The following SLC24A3 variants were observed in gnomAD, a reference collection of about 807,000 sequenced individuals.
SLC24A3 encodes the protein solute carrier family 24 member 3.
In SLC24A3, 28 loss-of-function variants were observed where a neutral mutation model predicts 75.8. That is an observed-to-expected ratio of 0.37 (90% CI 0.27 to 0.51). SLC24A3 has a LOEUF of 0.51. SLC24A3 is among the 20% of genes least tolerant of loss of function. The pLI is 0.94. For synonymous variants in SLC24A3, 372 were observed against 334.1 expected (o/e 1.11, Z -1.24); for missense variants, 663 against 847.8 (o/e 0.78, Z 2.71).
At chr20:19,364,045 G>A (rs1017074665) in intron 2 of SLC24A3, among the ~76,000 whole-genome samples, 6 of 152,178 alleles carry the variant, frequency 3.9e-5, no homozygotes, top group Non-Finnish European at 7.4e-5. Flanking sequence ...CCCCTGGCCA[G>A]CAGGAACATG....
At chr20:19,505,607 G>A (rs566434519) in intron 2 of SLC24A3, among the ~76,000 whole-genome samples, 4 of 152,276 alleles carry the variant, frequency 2.6e-5, no homozygotes, top group Admixed American at 6.5e-5. Flanking sequence ...TGTTACCACC[G>A]TGAGCAACCA....
intron 6 of SLC24A3, among the ~76,000 whole-genome samples, chr20:19,613,431 A>T (rs1160045449): frequency 6.6e-6 from 1 of 152,142 alleles, no homozygotes; most frequent in Non-Finnish European, 1.5e-5. Flanking sequence ...AGGCACTTCT[A>T]TTATTTTTTT....
intron 15 of SLC24A3, among the ~76,000 whole-genome samples, chr20:19,703,167 G>A (rs567275591): frequency 1.3e-5 from 2 of 152,170 alleles, no homozygotes; most frequent in Non-Finnish European, 2.9e-5. Flanking sequence ...TCCTTGAGAG[G>A]GCATTTAATA....
intron 2 of SLC24A3, among the ~76,000 whole-genome samples, chr20:19,399,704 AAG>A (rs761369694): frequency 6.6e-6 from 1 of 152,142 alleles, no homozygotes; most frequent in Non-Finnish European, 1.5e-5. Context: ...TGTGCACCTG[AAG>A]AGAACATGCT....
intron 3 of SLC24A3, among the ~76,000 whole-genome samples, chr20:19,535,222 G>A (rs1341880304): frequency 6.6e-6 from 1 of 152,178 alleles, no homozygotes; most frequent in African/African-American, 2.4e-5. Flanking sequence ...CATTTTGGTA[G>A]CTTAAACCAA....
chr20:19,654,209 C>T (rs2032239304), intron 7 of SLC24A3, 73 bp downstream of exon 7: 3 of 1,403,662 alleles, frequency 2.1e-6, no homozygotes, highest in Non-Finnish European at 2.0e-6. Flanking sequence ...GGCTCCTCCA[C>T]ATGGAGTTCA....
intron 2 of SLC24A3, among the ~76,000 whole-genome samples, chr20:19,390,207 A>G (rs1371280536): frequency 3.9e-5 from 6 of 152,220 alleles, no homozygotes; most frequent in Admixed American, 2.0e-4. Flanking sequence ...CAGGCAGTTT[A>G]TAAATTTCTA....
At chr20:19,266,227 G>T (rs932551127) in intron 1 of SLC24A3, among the ~76,000 whole-genome samples, 2 of 152,178 alleles carry the variant, frequency 1.3e-5, no homozygotes, top group African/African-American at 4.8e-5. Context: ...TAACTGCAAT[G>T]TAATAATTGT....
intron 2 of SLC24A3, among the ~76,000 whole-genome samples, chr20:19,458,288 C>A (rs1987613916): frequency 6.6e-6 from 1 of 152,104 alleles, no homozygotes; most frequent in South Asian, 2.1e-4. Flanking sequence ...CACCCAAGCC[C>A]TTAAGGGTAG....
chr20:19,477,220 G>A (rs1987976064), intron 2 of SLC24A3, among the ~76,000 whole-genome samples: 1 of 152,120 alleles, frequency 6.6e-6, no homozygotes, highest in Admixed American at 6.5e-5. Context: ...GAAGAGTGGA[G>A]GCACTGCTGA....
chr20:19,554,135 G>A (rs922465290), intron 3 of SLC24A3, among the ~76,000 whole-genome samples: 4 of 152,152 alleles, frequency 2.6e-5, no homozygotes, highest in Admixed American at 6.5e-5. Flanking sequence ...ATGTGAAAGT[G>A]CCAAGTTTAA....
chr20:19,311,167 C>T (rs1291150963), intron 2 of SLC24A3, among the ~76,000 whole-genome samples: 1 of 151,922 alleles, frequency 6.6e-6, no homozygotes, highest in African/African-American at 2.4e-5. Flanking sequence ...TTTGGTTACT[C>T]ATATGTGTGT....
intron 2 of SLC24A3, among the ~76,000 whole-genome samples, chr20:19,417,289 T>G (rs1986843459): frequency 6.6e-6 from 1 of 152,212 alleles, no homozygotes; most frequent in Non-Finnish European, 1.5e-5. Flanking sequence ...AGACAACTAT[T>G]GGTTAAACAT....
chr20:19,700,358 A>C (rs778465749), intron 15 of SLC24A3, among the ~76,000 whole-genome samples: 12 of 152,180 alleles, frequency 7.9e-5, no homozygotes, highest in Non-Finnish European at 1.2e-4. Context: ...AGCTACACAG[A>C]AAGCAGAGAA....
chr20:19,414,454 G>A (rs543182059), intron 2 of SLC24A3, among the ~76,000 whole-genome samples: 3 of 152,232 alleles, frequency 2.0e-5, no homozygotes, highest in Admixed American at 6.5e-5. Context: ...TCCATTCCAC[G>A]GAATATAGAG....
intron 10 of SLC24A3, 95 bp from the exon 11 acceptor site, chr20:19,684,081 G>A (rs1336266159): frequency 7.2e-6 from 10 of 1,386,546 alleles, no homozygotes; most frequent in Non-Finnish European, 1.0e-5. Context: ...GGAAAGAAGG[G>A]AGGAAGAGAA....
chr20:19,484,863 G>A (rs376166344), intron 2 of SLC24A3, among the ~76,000 whole-genome samples: 22 of 152,214 alleles, frequency 1.4e-4, no homozygotes, highest in East Asian at 3.9e-4. Context: ...CAATTAAAAC[G>A]AAAAAATTAA....
chr20:19,629,308 AG>A (rs1490080056), intron 6 of SLC24A3, among the ~76,000 whole-genome samples: 1 of 152,236 alleles, frequency 6.6e-6, no homozygotes, highest in Non-Finnish European at 1.5e-5. Context: ...ATCAAGCAAA[AG>A]AAAGAATCAG....
intron 6 of SLC24A3, among the ~76,000 whole-genome samples, chr20:19,644,814 A>G (rs1360095220): frequency 2.0e-5 from 3 of 152,240 alleles, no homozygotes; most frequent in African/African-American, 4.8e-5. Flanking sequence ...ACCAAATGCC[A>G]AGAACTGAAA....
Sources: gnomAD v4.1 joint callset for allele counts (sites outside exome capture counted in the v4.1 genomes callset) on GRCh38, gnomAD v4.1.1 for gene constraint, MANE v1.5 for transcripts, NCBI Gene and HGNC (gene_info 2026-07-23, HGNC 2026-07-21) for gene names.